Variants in SLC35F3 observed in about 807,000 individuals in gnomAD.
SLC35F3 encodes putative thiamine transporter SLC35F3.
Under a neutral mutation model 49.9 loss-of-function variants are expected in SLC35F3, and 25 were observed. The ratio of observed to expected loss-of-function variants is 0.50; its 90% CI spans 0.37 to 0.70. SLC35F3 has a LOEUF of 0.70. Ranked by LOEUF, SLC35F3 falls within the 30% of genes least tolerant of loss-of-function variation. The pLI is 0.00. For missense variants in SLC35F3, 525 were observed against 639.8 expected (o/e 0.82, Z 1.94); for synonymous variants, 275 against 265.4 (o/e 1.04, Z -0.35).
At chr1:234,283,503 C>T (rs745439649) in intron 3 of SLC35F3, among the ~76,000 whole-genome samples, 14 of 152,216 alleles carry the variant, frequency 9.2e-5, no homozygotes, top group Admixed American at 8.5e-4. Flanking sequence ...AGTAGCACTG[C>T]AAACCAAAAG....
At chr1:234,140,910 G>T (rs550078945) in intron 2 of SLC35F3, among the ~76,000 whole-genome samples, 2 of 152,250 alleles carry the variant, frequency 1.3e-5, no homozygotes, top group South Asian at 4.1e-4. Context: ...TTGGCAAAAG[G>T]GTTTACTTAT....
chr1:233,955,843 G>A (rs1166412950), intron 2 of SLC35F3, among the ~76,000 whole-genome samples: 1 of 96,544 alleles, frequency 1.0e-5, no homozygotes, highest in Non-Finnish European at 2.0e-5. Context: ...TTCCATTGTT[G>A]ACCACAAGGG....
At chr1:234,211,427 C>T (rs1667045374) in intron 2 of SLC35F3, among the ~76,000 whole-genome samples, 1 of 152,190 alleles carries the variant, frequency 6.6e-6, no homozygotes, top group Non-Finnish European at 1.5e-5. Flanking sequence ...TCAATGCCAG[C>T]CCATGAAAGC....
intron 5 of SLC35F3, among the ~76,000 whole-genome samples, chr1:234,317,541 A>G (rs1053212316): frequency 6.6e-6 from 1 of 152,250 alleles, no homozygotes; most frequent in African/African-American, 2.4e-5. Flanking sequence ...TCCAGACAAT[A>G]GGACTGATAT....
chr1:234,078,376 G>T (rs560332790), intron 2 of SLC35F3, among the ~76,000 whole-genome samples: 74 of 152,098 alleles, frequency 4.9e-4, no homozygotes, highest in African/African-American at 1.7e-3. Flanking sequence ...TTCCACTCCA[G>T]CTGGCTTCTG....
intron 3 of SLC35F3, among the ~76,000 whole-genome samples, chr1:234,236,688 A>G (rs677816): frequency 6.6e-6 from 1 of 151,976 alleles, no homozygotes; most frequent in Admixed American, 6.6e-5. Flanking sequence ...GAGGAGTTTC[A>G]CTTCCAGTGT....
At chr1:234,047,663 A>T (rs1664310601) in intron 2 of SLC35F3, among the ~76,000 whole-genome samples, 1 of 150,878 alleles carries the variant, frequency 6.6e-6, no homozygotes, top group South Asian at 2.1e-4. Context: ...TCAATTTCTT[A>T]TAAGAAATCA....
intron 2 of SLC35F3, among the ~76,000 whole-genome samples, chr1:234,059,244 G>A (rs1664502132): frequency 6.6e-6 from 1 of 150,488 alleles, no homozygotes; most frequent in Non-Finnish European, 1.5e-5. Flanking sequence ...GGTGTCTTAT[G>A]GTAGAAGATT....
intron 2 of SLC35F3, among the ~76,000 whole-genome samples, chr1:234,065,894 A>G (rs1228640259): frequency 1.3e-5 from 2 of 152,236 alleles, no homozygotes; most frequent in Non-Finnish European, 2.9e-5. Context: ...CTTGCCATAC[A>G]TGAGGTCCAG....
intron 2 of SLC35F3, among the ~76,000 whole-genome samples, chr1:234,061,430 G>A (rs1664537273): frequency 6.6e-6 from 1 of 151,954 alleles, no homozygotes; most frequent in Non-Finnish European, 1.5e-5. Context: ...TCACGTGTCT[G>A]TGACTCTCTT....
intron 2 of SLC35F3, among the ~76,000 whole-genome samples, chr1:234,005,810 C>T (rs1460960189): frequency 1.3e-5 from 2 of 152,114 alleles, no homozygotes; most frequent in Non-Finnish European, 2.9e-5. Context: ...GTCACTAAAT[C>T]AAGTTGGATG....
At position 234,231,456 on chromosome 1, in the gene SLC35F3, C is replaced by T. The variant is rs371795530; in HGVS notation, c.323C>T (p.Ala108Val). The change falls in exon 3 of 8, where the codon GCC becomes GTC. Residue 108 changes from alanine (A) to valine (V), a missense_variant. Physicochemically the swap from Ala to Val is moderately conservative, Grantham distance 64. Around this residue, in one of 4 missense-constraint regions of SLC35F3, gnomAD observed 228 missense variants for 218.9 expected, o/e 1.04. Coordinates refer to ENST00000366618, the MANE Select transcript of SLC35F3 (RefSeq NM_173508.4). The surrounding 1 kb of genome is among the most constrained non-coding windows in gnomAD (Gnocchi z 5.4). ...RPRDSPGPAE[A>V]QAPAGVEAGG... ...CGGGACTCCCCGGGCCCGGCGGAGG[C>T]CCAGGCACCGGCCGGGGTGGAGGCC... The T allele has an allele frequency of 7.0e-5, 112 of 1,608,146 alleles. No individual in the cohort carries two copies. The highest frequency in any genetic ancestry group is 5.2e-4 in the Admixed American group (31 of 59,750).
intron 2 of SLC35F3, among the ~76,000 whole-genome samples, chr1:234,099,514 G>T (rs1314357540): frequency 6.6e-6 from 1 of 150,824 alleles, no homozygotes. Flanking sequence ...GGTGGCTGAG[G>T]CAGAAGAATC....
intron 2 of SLC35F3, among the ~76,000 whole-genome samples, chr1:234,180,493 C>G (rs1666540827): frequency 6.6e-6 from 1 of 152,240 alleles, no homozygotes; most frequent in African/African-American, 2.4e-5. Context: ...AAGGAAGATG[C>G]TCATGTCCCA....
intron 3 of SLC35F3, among the ~76,000 whole-genome samples, chr1:234,238,771 T>C (rs1349615180): frequency 6.6e-6 from 1 of 152,218 alleles, no homozygotes; most frequent in Non-Finnish European, 1.5e-5. Context: ...TTTCATTACC[T>C]CTTGATCTCC....
At chr1:234,307,594 T>G (rs1045824154) in intron 3 of SLC35F3, among the ~76,000 whole-genome samples, 18 of 152,240 alleles carry the variant, frequency 1.2e-4, no homozygotes, top group African/African-American at 3.4e-4. Context: ...ATTTTAATAT[T>G]AAGTGGCACA....
At chr1:234,189,132 A>G (rs1387359962) in intron 2 of SLC35F3, among the ~76,000 whole-genome samples, 4 of 152,102 alleles carry the variant, frequency 2.6e-5, no homozygotes, top group African/African-American at 9.7e-5. Flanking sequence ...AATTCTGGCA[A>G]TATGACAAAA....
chr1:234,141,387 T>A (rs995161561), intron 2 of SLC35F3, among the ~76,000 whole-genome samples: 1 of 152,198 alleles, frequency 6.6e-6, no homozygotes, highest in Non-Finnish European at 1.5e-5. Flanking sequence ...CCCCCTTTTT[T>A]AAAACTTTAC....
intron 2 of SLC35F3, among the ~76,000 whole-genome samples, chr1:233,908,891 T>C (rs1189168774): frequency 6.6e-6 from 1 of 152,008 alleles, no homozygotes; most frequent in Admixed American, 6.5e-5. Flanking sequence ...AGTTTTGCTC[T>C]GTCGCCCAGG....
Sources: allele counts gnomAD v4.1 joint callset (sites outside exome capture counted in the v4.1 genomes callset), GRCh38; gene constraint gnomAD v4.1.1; regional missense constraint gnomAD v4.1.1; non-coding constraint Gnocchi (gnomAD v3.1); transcripts MANE v1.5; gene names NCBI Gene and HGNC (gene_info 2026-07-23, HGNC 2026-07-21).